SYN3: variants seen among roughly 807,000 people sequenced by gnomAD.
The protein encoded by SYN3 is synapsin III.
A neutral mutation model predicts 65.8 loss-of-function variants in SYN3; 35 were observed. That is an observed-to-expected ratio of 0.53 (90% CI 0.41 to 0.70). The LOEUF is 0.70. Among genes scored for constraint, SYN3 ranks in the 30% least tolerant of loss-of-function variants. The pLI, the probability that SYN3 is intolerant of heterozygous loss-of-function variation, is 0.00. For missense variants in SYN3, 680 were observed against 749.0 expected (o/e 0.91, Z 1.08); for synonymous variants, 270 against 292.9 (o/e 0.92, Z 0.80).
At chr22:32,807,890 A>G (rs181442981) in intron 6 of SYN3, among the ~76,000 whole-genome samples, 2 of 152,216 alleles carry the variant, frequency 1.3e-5, no homozygotes, top group Admixed American at 1.3e-4. Flanking sequence ...GGGATGGAGG[A>G]ATGTTAGAGC....
intron 6 of SYN3, among the ~76,000 whole-genome samples, chr22:32,741,654 C>T (rs936001510): frequency 1.3e-5 from 2 of 152,086 alleles, no homozygotes; most frequent in African/African-American, 2.4e-5. Flanking sequence ...CGTGCTTGCC[C>T]TCTAAAGCCC....
intron 6 of SYN3, among the ~76,000 whole-genome samples, chr22:32,786,021 A>G (rs9621564): frequency 0.046 from 5,609 of 121,674 alleles, 330 homozygotes; most frequent in African/African-American, 0.16. Flanking sequence ...AGAAGAAGAA[A>G]AAAAAAATAC....
intron 6 of SYN3, among the ~76,000 whole-genome samples, chr22:32,820,198 G>A (rs1240649283): frequency 6.6e-6 from 1 of 152,064 alleles, no homozygotes; most frequent in African/African-American, 2.4e-5. Context: ...CACTCCCTCA[G>A]GGCATGATCA....
Position 32,513,369 on chromosome 22 carries a change from C to T in SYN3, c.*323G>A, listed in dbSNP as rs1255054515. The T allele has an allele frequency of 8.2e-6, 2 of 244,632 alleles. No homozygotes were observed. Among genetic ancestry groups the T allele is most frequent in the Admixed American group, 5.0e-5 (1 of 19,972 alleles). The allele number at this position is 244,632 out of a possible 1,614,324, so 15.2% of individuals were successfully genotyped here. On this transcript the variant is annotated 3_prime_UTR_variant, in exon 14 of 14. Transcript: ENST00000358763. ...ACACTAGTAAGAATGTGAAAACTAGCCACTCGCAGACATCTCACTTGGTTA... is the reference window on the plus strand; with the variant it reads ...ACACTAGTAAGAATGTGAAAACTAGTCACTCGCAGACATCTCACTTGGTTA...
chr22:32,839,068 G>A (rs553187097), intron 6 of SYN3, among the ~76,000 whole-genome samples: 1 of 151,998 alleles, frequency 6.6e-6, no homozygotes, highest in African/African-American at 2.4e-5. Context: ...AGCCAAAGGT[G>A]CAGGCAGATG....
At chr22:32,810,463 G>T (rs2046887272) in intron 6 of SYN3, among the ~76,000 whole-genome samples, 1 of 150,488 alleles carries the variant, frequency 6.6e-6, no homozygotes, top group East Asian at 2.0e-4. Context: ...TGTACGATCT[G>T]GCCTCAGAGA....
chr22:32,963,018 T>C (rs888744307), intron 3 of SYN3, among the ~76,000 whole-genome samples: 26 of 150,846 alleles, frequency 1.7e-4, no homozygotes, highest in African/African-American at 6.1e-4. Context: ...TACATTTATA[T>C]AGAGAGAGGG....
intron 6 of SYN3, among the ~76,000 whole-genome samples, chr22:32,645,009 G>A (rs1443480844): frequency 1.3e-5 from 2 of 152,166 alleles, no homozygotes; most frequent in African/African-American, 4.8e-5. Context: ...GGTGAGAGGT[G>A]GCAGACACAG....
chr22:32,814,779 C>T (rs775375201), intron 6 of SYN3, among the ~76,000 whole-genome samples: 1 of 151,806 alleles, frequency 6.6e-6, no homozygotes, highest in Non-Finnish European at 1.5e-5. Context: ...GGCTCACAAG[C>T]GGGGAGACAG....
chr22:32,597,477 A>G, intron 6 of SYN3, among the ~76,000 whole-genome samples: 1 of 152,036 alleles, frequency 6.6e-6, no homozygotes, highest in Non-Finnish European at 1.5e-5. Context: ...CTGCCTCCTG[A>G]AGTGCTGGGG....
At chr22:32,816,122 G>A (rs2047082581) in intron 6 of SYN3, among the ~76,000 whole-genome samples, 1 of 152,200 alleles carries the variant, frequency 6.6e-6, no homozygotes, top group Admixed American at 6.5e-5. Flanking sequence ...GTTAAGCAGG[G>A]TGGGAAGAAC....
chr22:32,737,557 C>T, intron 6 of SYN3, among the ~76,000 whole-genome samples: 1 of 151,768 alleles, frequency 6.6e-6, no homozygotes, highest in Non-Finnish European at 1.5e-5. Flanking sequence ...TGAGTGAGAA[C>T]ATGAGGTGCT....
Position 32,737,340 on chromosome 22 carries a change from A to C in SYN3, c.711+127575T>G, listed in dbSNP as rs111239970. On this transcript the variant is annotated intron_variant, in intron 6 of 13. Coordinates refer to ENST00000358763, the MANE Select transcript of SYN3 (RefSeq NM_003490.4). ...TTCTTTTTTTTTTAATTATACTTTA[A>C]GTTTTAGGGTACATGTGCACAACGT... 2.7e-3 allele frequency among the ~76,000 whole-genome samples: 416 copies of C among 152,106 alleles called. 2 individuals are homozygous for C. The highest frequency in any genetic ancestry group is 0.014 in the Middle Eastern group (4 of 294).
intron 6 of SYN3, among the ~76,000 whole-genome samples, chr22:32,771,801 C>A (rs1291874377): frequency 1.3e-5 from 2 of 152,178 alleles, no homozygotes; most frequent in East Asian, 3.8e-4. Context: ...ATTCCCAAAG[C>A]AAATGGTCAT....
intron 6 of SYN3, among the ~76,000 whole-genome samples, chr22:32,712,140 T>G (rs2060974412): frequency 6.6e-6 from 1 of 152,276 alleles, no homozygotes; most frequent in East Asian, 1.9e-4. Flanking sequence ...GAGGCTGCCT[T>G]TGTCCTTGGT....
At chr22:32,890,844 T>G (rs1350608612) in intron 4 of SYN3, among the ~76,000 whole-genome samples, 1 of 152,120 alleles carries the variant, frequency 6.6e-6, no homozygotes, top group Non-Finnish European at 1.5e-5. Flanking sequence ...TCTCCTGGGA[T>G]GGATGCTCAT....
Position 32,637,630 on chromosome 22 carries a change from CTTTTTTTTTTTTTT to C in SYN3, c.712-40908_712-40895del, listed in dbSNP as rs1185407986. On this transcript the variant is annotated intron_variant, in intron 6 of 13. Coordinates refer to ENST00000358763, the MANE Select transcript of SYN3 (RefSeq NM_003490.4). The stretch of plus-strand genomic sequence containing the variant: ...AGTTAGGTTTTCTTTTTTTCTTTTT[CTTTTTTTTTTTTTT>C]TTTTTTTTTTTGAGACAGGGTCTCA... Among the ~76,000 whole-genome samples, 707 of 93,624 alleles carry C rather than the reference CTTTTTTTTTTTTTT, an allele frequency of 7.6e-3. 12 individuals carry two copies. The highest frequency in any genetic ancestry group is 0.028 in the African/African-American group (650 of 23,192). The allele number at this position is 93,624 out of a possible 152,430, so 61.4% of individuals were successfully genotyped here.
rs1028529130 is a variant in SYN3, at chr22:32,508,241, T to G, written c.*5451A>C. On this transcript the variant is annotated 3_prime_UTR_variant, in exon 14 of 14. Coordinates refer to ENST00000358763, the MANE Select transcript of SYN3 (RefSeq NM_003490.4). Reference sequence around the variant, plus strand: ...TTGTTCCTGCCCCACCTTAACTGAGTGATTAACCCTGTAAATTTCCTTCTT... The same window carrying G: ...TTGTTCCTGCCCCACCTTAACTGAGGGATTAACCCTGTAAATTTCCTTCTT... Among the ~76,000 whole-genome samples the G allele has an allele frequency of 5.9e-5, 9 of 152,064 alleles. No homozygotes were observed. The highest frequency in any genetic ancestry group is 8.8e-5 in the Non-Finnish European group (6 of 68,012).
rs1238766133 is a variant in SYN3, at chr22:32,763,247, C to A, written c.711+101668G>T. ...CTGCAAGCTCCGCCTCCCGGGTTCA[C>A]GCCATTCTCCTGCCTCAGCTTCTCG... On this transcript the variant is annotated intron_variant, in intron 6 of 13. Transcript: ENST00000358763. 2.6e-5 allele frequency among the ~76,000 whole-genome samples: 4 copies of A among 152,074 alleles called. No individual in the cohort carries two copies. The East Asian group carries it at 7.7e-4, about 29-fold the overall frequency.
Sources: allele counts gnomAD v4.1 joint callset (sites outside exome capture counted in the v4.1 genomes callset), GRCh38; gene constraint gnomAD v4.1.1; transcripts MANE v1.5; gene names NCBI Gene and HGNC (gene_info 2026-07-23, HGNC 2026-07-21).